The following ABCA10 variants were observed in gnomAD, a reference collection of about 807,000 sequenced individuals.
ABCA10 encodes ATP binding cassette subfamily A member 10.
ABCA10 carries 169 observed loss-of-function variants against 187.5 expected under a neutral mutation model. That is an observed-to-expected ratio of 0.90 (90% confidence interval 0.80 to 1.02). The LOEUF is 1.02. ABCA10 is among the 50% of genes least tolerant of loss of function. ABCA10 has a pLI of 0.00. For synonymous variants in ABCA10, 574 were observed against 601.8 expected (o/e 0.95, Z 0.68); for missense variants, 1,727 against 1,812.4 (o/e 0.95, Z 0.86).
chr17:69,159,025 A>G (rs919549188), intron 27 of ABCA10, among the ~76,000 whole-genome samples: 1 of 152,066 alleles, frequency 6.6e-6, no homozygotes, highest in Non-Finnish European at 1.5e-5. Flanking sequence ...AAAACAAATC[A>G]TAAAATATAT....
rs1416096952 is a variant in ABCA10, at chr17:69,156,843, G to T, written c.3444C>A (p.Asp1148Glu). ...AATATTTTCCCAACCTGAAAACTGG[G>T]TCTTTATTCATTATTTCATTTCCAT... ...MKYGNEIMNK[D>E]PVFRISPRSR... Residue 1148 changes from aspartate to glutamate, a missense_variant, in exon 28 of 39, where the codon GAC becomes GAA. Transcript: ENST00000690296. 1 of 1,570,152 alleles carries T rather than the reference G, an allele frequency of 6.4e-7. No individual in the cohort carries two copies. Among genetic ancestry groups the T allele is most frequent in the African/African-American group, 1.4e-5 (1 of 72,752 alleles).
intron 25 of ABCA10, among the ~76,000 whole-genome samples, chr17:69,171,170 A>T (rs1258745050): frequency 6.6e-6 from 1 of 152,240 alleles, no homozygotes; most frequent in African/African-American, 2.4e-5. Context: ...TAAGGCAATA[A>T]GCACTAGATG....
At chr17:69,240,911 CTA>C (rs1452919065) in intron 1 of ABCA10, among the ~76,000 whole-genome samples, 4 of 152,170 alleles carry the variant, frequency 2.6e-5, no homozygotes, top group African/African-American at 9.7e-5. Context: ...TTAACATTAC[CTA>C]TGTTTCACTA....
chr17:69,165,034 A>T lies in ABCA10; in HGVS notation c.3212T>A (p.Leu1071His). 6.2e-7 allele frequency: 1 copy of T among 1,603,388 alleles called. No individual in the cohort carries two copies. The highest frequency in any genetic ancestry group is 8.5e-7 in the Non-Finnish European group (1 of 1,170,460). Reference sequence around the variant, plus strand: ...GAAAATCATGCACAAAATTAAGTTGAGTTTTTCATATTGAGTTGATACCAT... The same window carrying T: ...GAAAATCATGCACAAAATTAAGTTGTGTTTTTCATATTGAGTTGATACCAT... ...TIMVSTQYEK[L>H]NLILCMIFIP... The change falls in exon 26 of 39, where the codon CTC (leucine) becomes CAC (histidine). Residue 1071 changes from leucine to histidine, a missense_variant. Coordinates refer to ENST00000690296, the MANE Select transcript of ABCA10 (RefSeq NM_001377321.1).
Position 69,190,364 on chromosome 17 carries a change from C to G in ABCA10, c.2125G>C (p.Glu709Gln), listed in dbSNP as rs147976428. ...LNLEGKSAID[E>Q]PDFDIGKQEK... Reference sequence around the variant, plus strand: ...TAGACACACATTTTTATACCTGGTTCATCAATTGCTGATTTTCCTTCTAGG... The same window carrying G: ...TAGACACACATTTTTATACCTGGTTGATCAATTGCTGATTTTCCTTCTAGG... Residue 709 changes from glutamate (E) to glutamine (Q), a missense_variant, in exon 18 of 39, where the codon GAA becomes CAA. Physicochemically the swap from Glu to Gln is conservative, Grantham distance 29. Transcript: ENST00000690296. 3.2e-6 allele frequency: 5 copies of G among 1,547,250 alleles called. No individual in the cohort carries two copies. The highest frequency in any genetic ancestry group is 4.3e-6 in the Non-Finnish European group (5 of 1,158,212).
chr17:69,179,452 G>A (rs1055376685), intron 22 of ABCA10, among the ~76,000 whole-genome samples: 1 of 152,204 alleles, frequency 6.6e-6, no homozygotes, highest in African/African-American at 2.4e-5. Context: ...TCAGCTCTGT[G>A]CAGGGTGAAA....
At chr17:69,171,608 T>C (rs530632950) in intron 25 of ABCA10, among the ~76,000 whole-genome samples, 1 of 152,106 alleles carries the variant, frequency 6.6e-6, no homozygotes, top group African/African-American at 2.4e-5. Flanking sequence ...ATTCCAGGCA[T>C]CCCAATTTAT....
At chr17:69,152,872 G>A (rs2364986) in intron 34 of ABCA10, among the ~76,000 whole-genome samples, 111,074 of 151,910 alleles carry the variant, frequency 0.73, 40,991 homozygotes, top group African/African-American at 0.79. Flanking sequence ...AAAAAGAATA[G>A]AAATTGTGTT....
intron 11 of ABCA10, chr17:69,196,123 C>G: frequency 6.1e-6 from 1 of 162,628 alleles, no homozygotes; most frequent in Non-Finnish European, 1.3e-5. Flanking sequence ...CCCCACCTCC[C>G]AGACGGGGCG....
chr17:69,194,424 G>C lies in ABCA10; in HGVS notation c.1306C>G (p.Leu436Val). 1 of 1,613,032 alleles carries C rather than the reference G, an allele frequency of 6.2e-7. No individual in the cohort carries two copies. The part of the protein sequence containing the change: ...LGHNGAGKST[L>V]LNILSGLSVS... ...GACAATCCACTAAGAATGTTTAGCA[G>C]TGTTGATTTACCAGCTCCATTATGC... Residue 436 changes from leucine to valine, a missense_variant, in exon 12 of 39, where the codon CTG becomes GTG. Leu to Val is a conservative substitution (Grantham distance 32). Transcript: ENST00000690296.
At chr17:69,168,858 G>A (rs940033560) in intron 25 of ABCA10, among the ~76,000 whole-genome samples, 2 of 152,188 alleles carry the variant, frequency 1.3e-5, no homozygotes, top group Admixed American at 6.5e-5. Context: ...TGTAAGATGT[G>A]ACTTGATCCT....
At chr17:69,150,667 C>T (rs2074120968) in intron 36 of ABCA10, among the ~76,000 whole-genome samples, 1 of 152,140 alleles carries the variant, frequency 6.6e-6, no homozygotes, top group African/African-American at 2.4e-5. Flanking sequence ...ACTCTCTAGG[C>T]CTGCACTGCT....
At chr17:69,163,485 G>T (rs1273169505) in intron 27 of ABCA10, among the ~76,000 whole-genome samples, 2 of 151,996 alleles carry the variant, frequency 1.3e-5, no homozygotes, top group Non-Finnish European at 2.9e-5. Flanking sequence ...TACAAAACAG[G>T]AAAAATATAC....
chr17:69,164,600 T>C (rs1399386317), intron 26 of ABCA10, among the ~76,000 whole-genome samples: 1 of 152,276 alleles, frequency 6.6e-6, no homozygotes, highest in African/African-American at 2.4e-5. Context: ...ATTTTAGACA[T>C]TGATCAACAT....
chr17:69,226,181 T>C (rs545873433), intron 2 of ABCA10, among the ~76,000 whole-genome samples: 8 of 152,006 alleles, frequency 5.3e-5, no homozygotes, highest in African/African-American at 1.9e-4. Flanking sequence ...ATTTAGCCAT[T>C]ACATATATTT....
At chr17:69,192,520 A>G in intron 16 of ABCA10, 43 bp downstream of exon 16, 1 of 1,507,482 alleles carries the variant, frequency 6.6e-7, no homozygotes, top group Non-Finnish European at 9.1e-7. Flanking sequence ...TCACCCTCAT[A>G]TTAATATGCT....
intron 1 of ABCA10, among the ~76,000 whole-genome samples, chr17:69,236,844 T>C (rs1038276149): frequency 2.1e-5 from 3 of 144,754 alleles, no homozygotes; most frequent in Admixed American, 1.4e-4. Flanking sequence ...ATGTTACAAA[T>C]ACCCTGTAAC....
At chr17:69,233,995 G>A (rs1009073032) in intron 1 of ABCA10, 1 of 152,488 alleles carries the variant, frequency 6.6e-6, no homozygotes, top group African/African-American at 2.4e-5. Flanking sequence ...GGACAGGTGA[G>A]GTAGTTCATT....
chr17:69,219,729 T>A lies in ABCA10; in HGVS notation c.346A>T (p.Ile116Phe). 1.2e-6 allele frequency: 2 copies of A among 1,607,322 alleles called. No homozygotes were observed. Among genetic ancestry groups the A allele is most frequent in the Non-Finnish European group, 1.7e-6 (2 of 1,177,320 alleles). ...GGTGGTATCTTCATATTTATTCCAA[T>A]AACTGATGTCAACTCCTCCATTACA... ...HSVMEELTSV[I>F]GINMKIPPFI... is the part of the protein sequence containing the mutation. The change falls in exon 6 of 39, where the codon ATT (isoleucine) becomes TTT (phenylalanine). Residue 116 changes from isoleucine (I) to phenylalanine (F), a missense_variant. Coordinates refer to ENST00000690296, the MANE Select transcript of ABCA10 (RefSeq NM_001377321.1).
Sources: gnomAD v4.1 joint callset for allele counts (sites outside exome capture counted in the v4.1 genomes callset) on GRCh38, gnomAD v4.1.1 for gene constraint, MANE v1.5 for transcripts, NCBI Gene and HGNC (gene_info 2026-07-23, HGNC 2026-07-21) for gene names.